Variants in UTRN observed in about 807,000 individuals in gnomAD.
The protein encoded by UTRN is dystrophin-related protein 1.
In UTRN, 283 loss-of-function variants were observed where a neutral mutation model predicts 463.9. The observed-to-expected ratio is 0.61, with a 90% CI of 0.55 to 0.67. The LOEUF (loss-of-function observed/expected upper bound fraction) is 0.67, where lower values mean the gene tolerates loss of function less well. Ranked by LOEUF, UTRN falls within the 30% of genes least tolerant of loss-of-function variation. UTRN has a pLI of 0.00. For missense variants in UTRN, 3,922 were observed against 4,084.3 expected (o/e 0.96, Z 1.08); for synonymous variants, 1,442 against 1,431.5 (o/e 1.01, Z -0.17).
rs894251478 is a variant in UTRN at position 144,678,464 on chromosome 6, G to A, written c.7538G>A (p.Arg2513Lys). The change falls in exon 52 of 75, where the codon AGG becomes AAG. Residue 2513 changes from arginine (R) to lysine (K), a missense_variant. Physicochemically the swap from Arg to Lys is conservative, Grantham distance 26 (BLOSUM62 2). Coordinates refer to ENST00000367545, the MANE Select transcript of UTRN (RefSeq NM_007124.3). ...NDIFKSIDGN[R>K]QKMVKALGNS... ...ATATTTAAAAGCATTGACGGAAACA[G>A]GCAGAAGATGGTAAAAGCTTTGGGA... 6.8e-6 allele frequency: 11 copies of A among 1,613,236 alleles called. No homozygotes were observed. Among genetic ancestry groups the A allele is most frequent in the Non-Finnish European group, 8.5e-6 (10 of 1,179,600 alleles).
At chr6:144,751,712 C>A in intron 55 of UTRN, 94 bp from the exon 56 acceptor site, 1 of 1,205,400 alleles carries the variant, frequency 8.3e-7, no homozygotes, top group Non-Finnish European at 1.1e-6. Flanking sequence ...ATATGTGAAC[C>A]CATGCAGTTC....
intron 52 of UTRN, among the ~76,000 whole-genome samples, chr6:144,691,033 A>G (rs1212673266): frequency 1.3e-5 from 2 of 152,212 alleles, no homozygotes; most frequent in African/African-American, 4.8e-5. Context: ...TGGAAGAAGC[A>G]TGCTAACAAT....
intron 51 of UTRN, among the ~76,000 whole-genome samples, chr6:144,591,171 T>C (rs1442290691): frequency 1.3e-5 from 2 of 152,140 alleles, no homozygotes; most frequent in African/African-American, 4.8e-5. Context: ...GATGTTCACA[T>C]TACAGTCGCC....
chr6:144,415,739 T>G (rs1003405512), intron 3 of UTRN, among the ~76,000 whole-genome samples: 1 of 152,200 alleles, frequency 6.6e-6, no homozygotes, highest in African/African-American at 2.4e-5. Flanking sequence ...GTCTGCACAT[T>G]AAAATTGGAA....
chr6:144,827,800 ATTATATT>A lies in UTRN; in HGVS notation c.9599+126_9599+132del. On this transcript the variant is annotated intron_variant, in intron 68 of 74. Coordinates refer to ENST00000367545, the MANE Select transcript of UTRN (RefSeq NM_007124.3). ...GCAGTTTTGCAGGAGTTATGATTCCATTATATTTGGAATTTGGGCTCTCATATTTTCA... is the reference window on the plus strand; with the variant it reads ...GCAGTTTTGCAGGAGTTATGATTCCATGGAATTTGGGCTCTCATATTTTCA... The A allele has an allele frequency of 2.5e-6, 3 of 1,181,594 alleles. No homozygotes were observed. The East Asian group carries it at 7.7e-5, about 30-fold the overall frequency. 73.2% of individuals were successfully genotyped at this position (1,181,594 alleles called of 1,614,324 possible).
intron 2 of UTRN, among the ~76,000 whole-genome samples, chr6:144,369,113 A>AT (rs1779766057): frequency 6.6e-6 from 1 of 152,180 alleles, no homozygotes; most frequent in Admixed American, 6.5e-5. Context: ...GACATGCATT[A>AT]TTTTTCTCAT....
intron 39 of UTRN, 71 bp from the exon 40 acceptor site, chr6:144,521,909 A>G: frequency 1.0e-6 from 1 of 958,798 alleles, no homozygotes; most frequent in East Asian, 3.9e-5. Context: ...TAGTCTTGTT[A>G]TTATTCATTG....
chr6:144,376,204 C>T (rs972007934), intron 2 of UTRN, among the ~76,000 whole-genome samples: 1 of 152,000 alleles, frequency 6.6e-6, no homozygotes, highest in Non-Finnish European at 1.5e-5. Context: ...CGCCTGTAAT[C>T]CCAGCACTTT....
chr6:144,422,848 ATTTC>A (rs1784953588), intron 4 of UTRN, among the ~76,000 whole-genome samples: 1 of 152,220 alleles, frequency 6.6e-6, no homozygotes, highest in Admixed American at 6.5e-5. Flanking sequence ...CTGAAGATGA[ATTTC>A]TTTCTTGCAG....
chr6:144,822,533 G>A (rs1779692381), intron 66 of UTRN, among the ~76,000 whole-genome samples: 1 of 152,072 alleles, frequency 6.6e-6, no homozygotes, highest in Non-Finnish European at 1.5e-5. Flanking sequence ...TAAGATCTGT[G>A]TCTTTCTAAA....
At chr6:144,528,121 C>T (rs974722602) in intron 41 of UTRN, among the ~76,000 whole-genome samples, 5 of 149,392 alleles carry the variant, frequency 3.3e-5, no homozygotes, top group Non-Finnish European at 7.4e-5. Context: ...ACTGCAACCT[C>T]CGCCTCCCAG....
At chr6:144,690,795 C>T (rs1369146943) in intron 52 of UTRN, among the ~76,000 whole-genome samples, 1 of 152,150 alleles carries the variant, frequency 6.6e-6, no homozygotes, top group Non-Finnish European at 1.5e-5. Context: ...TTTTCCCTGA[C>T]CTGGATTGCC....
intron 2 of UTRN, among the ~76,000 whole-genome samples, chr6:144,347,224 G>C (rs928784033): frequency 6.6e-6 from 1 of 152,204 alleles, no homozygotes; most frequent in Non-Finnish European, 1.5e-5. Flanking sequence ...CACTACTTGG[G>C]TCCCCCATTA....
At chr6:144,739,778 C>A (rs1380082723) in intron 54 of UTRN, among the ~76,000 whole-genome samples, 1 of 152,136 alleles carries the variant, frequency 6.6e-6, no homozygotes, top group Non-Finnish European at 1.5e-5. Flanking sequence ...GAAGGGCTCA[C>A]CCTTCTTTAG....
chr6:144,546,159 G>A (rs961990134), intron 46 of UTRN, among the ~76,000 whole-genome samples: 1 of 152,174 alleles, frequency 6.6e-6, no homozygotes, highest in Admixed American at 6.5e-5. Flanking sequence ...ATTCTGTAGG[G>A]TGTATATCTA....
At chr6:144,559,201 A>G (rs890176399) in intron 50 of UTRN, among the ~76,000 whole-genome samples, 2 of 151,982 alleles carry the variant, frequency 1.3e-5, no homozygotes, top group African/African-American at 4.8e-5. Context: ...AATGAATTAT[A>G]TTGCAAGGTG....
chr6:144,848,290 T>C (rs1039059841), intron 74 of UTRN, among the ~76,000 whole-genome samples: 2 of 152,190 alleles, frequency 1.3e-5, no homozygotes, highest in African/African-American at 4.8e-5. Flanking sequence ...CATGAGGCCA[T>C]TCTGCAGGGT....
At chr6:144,425,209 G>A (rs1785187060) in intron 6 of UTRN, among the ~76,000 whole-genome samples, 2 of 152,122 alleles carry the variant, frequency 1.3e-5, no homozygotes, top group Admixed American at 1.3e-4. Flanking sequence ...GCTTGGGCTT[G>A]GCTGAGCTTT....
At chr6:144,761,927 C>A (rs1354814361) in intron 58 of UTRN, among the ~76,000 whole-genome samples, 4 of 152,020 alleles carry the variant, frequency 2.6e-5, no homozygotes, top group Non-Finnish European at 4.4e-5. Flanking sequence ...CAGTTTGCCA[C>A]AGAAATAATA....
Sources: gnomAD v4.1 joint callset for allele counts (sites outside exome capture counted in the v4.1 genomes callset) on GRCh38, gnomAD v4.1.1 for gene constraint, MANE v1.5 for transcripts, NCBI Gene and HGNC (gene_info 2026-07-23, HGNC 2026-07-21) for gene names.